Variants in RAB3B observed in about 807,000 individuals in gnomAD.
The protein encoded by RAB3B is ras-related protein Rab-3B.
A neutral mutation model predicts 20.5 loss-of-function variants in RAB3B; 11 were observed. The ratio of observed to expected loss-of-function variants is 0.54; its 90% CI spans 0.34 to 0.89. The LOEUF (loss-of-function observed/expected upper bound fraction) is 0.89. RAB3B is among the 40% of genes least tolerant of loss of function. RAB3B has a pLI of 0.02. For synonymous variants in RAB3B, 99 were observed against 106.3 expected (o/e 0.93, Z 0.42); for missense variants, 225 against 280.9 (o/e 0.80, Z 1.42).
chr1:51,921,966 G>A (rs1016782885), intron 4 of RAB3B, among the ~76,000 whole-genome samples: 10 of 152,200 alleles, frequency 6.6e-5, no homozygotes, highest in African/African-American at 2.2e-4. Flanking sequence ...TTGGCTGGAA[G>A]GCACATGCCA....
At chr1:51,979,831 C>A (rs1037108733) in intron 1 of RAB3B, among the ~76,000 whole-genome samples, 1 of 151,218 alleles carries the variant, frequency 6.6e-6, no homozygotes, top group African/African-American at 2.4e-5. Context: ...ATCACGAGGT[C>A]AGGAGATCGA....
intron 1 of RAB3B, among the ~76,000 whole-genome samples, chr1:51,988,739 A>C (rs1236237102): frequency 2.6e-5 from 4 of 152,204 alleles, no homozygotes; most frequent in African/African-American, 9.7e-5. Flanking sequence ...GATGGAGAGA[A>C]ACCCTAGGAG....
chr1:51,946,989 T>C (rs1374794718), intron 2 of RAB3B, among the ~76,000 whole-genome samples: 1 of 152,200 alleles, frequency 6.6e-6, no homozygotes, highest in Non-Finnish European at 1.5e-5. Context: ...CTCTTAATTG[T>C]TATATCAGCT....
At chr1:51,938,025 C>G (rs954543565) in intron 2 of RAB3B, among the ~76,000 whole-genome samples, 3 of 89,548 alleles carry the variant, frequency 3.4e-5, no homozygotes, top group African/African-American at 1.3e-4. Context: ...TTTTTTAAGA[C>G]AAAGCCTTAC....
intron 2 of RAB3B, among the ~76,000 whole-genome samples, chr1:51,941,124 G>T (rs909005500): frequency 6.6e-6 from 1 of 152,086 alleles, no homozygotes; most frequent in Non-Finnish European, 1.5e-5. Flanking sequence ...AATATAAGGA[G>T]AACTTTTCTA....
At chr1:51,971,289 A>G (rs1043324139) in intron 2 of RAB3B, among the ~76,000 whole-genome samples, 1 of 152,050 alleles carries the variant, frequency 6.6e-6, no homozygotes, top group Non-Finnish European at 1.5e-5. Context: ...GTATAAACAC[A>G]CATAAATGTT....
chr1:51,946,766 T>C (rs1173138707), intron 2 of RAB3B, among the ~76,000 whole-genome samples: 1 of 152,270 alleles, frequency 6.6e-6, no homozygotes, highest in African/African-American at 2.4e-5. Context: ...TGAGCATTAC[T>C]ACATGCCAGG....
chr1:51,921,670 A>G (rs985160544), intron 4 of RAB3B, among the ~76,000 whole-genome samples: 1 of 152,198 alleles, frequency 6.6e-6, no homozygotes, highest in Non-Finnish European at 1.5e-5. Flanking sequence ...CCTGTTGTCA[A>G]ATAAGACAAA....
chr1:51,909,481 G>A lies in RAB3B; in HGVS notation c.*10446C>T, dbSNP rs1327564147. ...AGTCAGGACTCAAACCCAGGTCTCT[G>A]GAATCCTGGTTTTCTGAATGTCGGA... is the stretch of plus-strand genomic sequence containing the variant. On this transcript the variant is annotated 3_prime_UTR_variant, in exon 5 of 5. Coordinates refer to ENST00000371655, the MANE Select transcript of RAB3B (RefSeq NM_002867.4). 1 of 152,084 alleles carries A rather than the reference G, an allele frequency of 6.6e-6. No homozygotes were observed. The highest frequency in any genetic ancestry group is 1.5e-5 in the Non-Finnish European group (1 of 68,016). 9.4% of individuals were successfully genotyped at this position (152,084 alleles called of 1,614,324 possible). A position where few individuals can be genotyped will look rare whatever the true frequency, so the allele number is the denominator to read the frequency against.
In RAB3B at chr1:51,908,917, T is replaced by C. The variant is rs1327620887; in HGVS notation, c.*11010A>G. The C allele has an allele frequency of 6.6e-6, 1 of 152,220 alleles. No individual in the cohort carries two copies. Among genetic ancestry groups the C allele is most frequent in the African/African-American group, 2.4e-5 (1 of 41,444 alleles). 9.4% of individuals were successfully genotyped at this position (152,220 alleles called of 1,614,324 possible). On this transcript the variant is annotated 3_prime_UTR_variant, in exon 5 of 5. Transcript: ENST00000371655. ...TCAGGGCATGGATGGGAAAGTGCTT[T>C]GGGAACTGTAAAGTGCCTAACACAT...
At chr1:51,960,371 G>A (rs1246000834) in intron 2 of RAB3B, among the ~76,000 whole-genome samples, 1 of 152,162 alleles carries the variant, frequency 6.6e-6, no homozygotes, top group Non-Finnish European at 1.5e-5. Flanking sequence ...TGTATCCCCT[G>A]GGACCTGCCC....
chr1:51,974,380 C>T (rs1315180655), intron 2 of RAB3B, among the ~76,000 whole-genome samples: 2 of 152,178 alleles, frequency 1.3e-5, no homozygotes, highest in East Asian at 1.9e-4. Flanking sequence ...GGTTGTCACT[C>T]ACCCACCAGA....
intron 4 of RAB3B, among the ~76,000 whole-genome samples, chr1:51,931,531 C>T (rs549325357): frequency 1.1e-4 from 16 of 152,286 alleles, no homozygotes; most frequent in African/African-American, 3.6e-4. Flanking sequence ...TACCCAAATA[C>T]TTAACATCAT....
intron 1 of RAB3B, among the ~76,000 whole-genome samples, chr1:51,982,799 T>C (rs1397215601): frequency 6.7e-6 from 1 of 148,770 alleles, no homozygotes; most frequent in Non-Finnish European, 1.5e-5. Flanking sequence ...GTCTAAGAAG[T>C]TTTAAAAATT....
chr1:51,985,530 AC>A (rs1236111317), intron 1 of RAB3B, among the ~76,000 whole-genome samples: 1 of 152,160 alleles, frequency 6.6e-6, no homozygotes. Context: ...TTTTATTGTA[AC>A]AAAAAGCCTG....
Position 51,919,741 on chromosome 1 carries a change from G to A in RAB3B, c.*186C>T. 1.8e-6 allele frequency: 1 copy of A among 550,784 alleles called. No homozygotes were observed. The allele number at this position is 550,784 out of a possible 1,614,324, so 34.1% of individuals were successfully genotyped here. On this transcript the variant is annotated 3_prime_UTR_variant, in exon 5 of 5. Transcript: ENST00000371655. ...ACCTGTTATGTTAGTCTAGTGCTGA[G>A]TATCTATTACTGGGACCATCTGCAG...
chr1:51,958,050 T>C (rs568307610), intron 2 of RAB3B, among the ~76,000 whole-genome samples: 1 of 152,330 alleles, frequency 6.6e-6, no homozygotes, highest in Non-Finnish European at 1.5e-5. Context: ...TTACCTTCCT[T>C]ATCTCTTCCT....
intron 1 of RAB3B, among the ~76,000 whole-genome samples, chr1:51,985,664 TAA>T (rs1268717891): frequency 6.6e-6 from 1 of 152,126 alleles, no homozygotes; most frequent in East Asian, 1.9e-4. Context: ...GAATTTTAAA[TAA>T]GAGAACGTAT....
chr1:51,954,826 T>C (rs1199608595), intron 2 of RAB3B, among the ~76,000 whole-genome samples: 3 of 152,242 alleles, frequency 2.0e-5, no homozygotes, highest in Non-Finnish European at 2.9e-5. Flanking sequence ...TATCTTAGAA[T>C]TGATAGCATC....
Sources: allele counts gnomAD v4.1 joint callset (sites outside exome capture counted in the v4.1 genomes callset), GRCh38; gene constraint gnomAD v4.1.1; transcripts MANE v1.5; gene names NCBI Gene and HGNC (gene_info 2026-07-23, HGNC 2026-07-21).